Variants in TMEM45B observed in about 807,000 individuals in gnomAD.
The protein encoded by TMEM45B is transmembrane protein 45B.
Under a neutral mutation model 27.3 loss-of-function variants are expected in TMEM45B, and 29 were observed. The observed-to-expected ratio is 1.06, with a 90% CI of 0.79 to 1.45. The LOEUF is 1.45. Among genes scored for constraint, TMEM45B ranks in the 40% most tolerant of loss-of-function variants. The pLI is 0.00. For synonymous variants in TMEM45B, 143 were observed against 134.7 expected (o/e 1.06, Z -0.43); for missense variants, 348 against 343.9 (o/e 1.01, Z -0.09).
At chr11:129,820,316 C>CAA (rs61289166) in intron 1 of TMEM45B, among the ~76,000 whole-genome samples, 1 of 151,678 alleles carries the variant, frequency 6.6e-6, no homozygotes, top group Non-Finnish European at 1.5e-5. Flanking sequence ...AACTCCATCT[C>CAA]AAAAAAATAA....
intron 4 of TMEM45B, among the ~76,000 whole-genome samples, chr11:129,856,830 A>T (rs929915909): frequency 2.0e-5 from 3 of 148,970 alleles, no homozygotes; most frequent in African/African-American, 7.5e-5. Context: ...AAGTGCTAGG[A>T]TTACAGGCAT....
rs556680435 is a variant in TMEM45B at position 129,832,590 on chromosome 11, G to A, written c.-9+16692G>A. On this transcript the variant is annotated intron_variant, in intron 1 of 5. Coordinates refer to ENST00000281441, the MANE Select transcript of TMEM45B (RefSeq NM_138788.5). Reference sequence around the variant, plus strand: ...ACCATCAATTTGTATGGGATTTCGTGGGGGGTTGGTAAAAGCATTTTAAAA... The same window carrying A: ...ACCATCAATTTGTATGGGATTTCGTAGGGGGTTGGTAAAAGCATTTTAAAA... 3.0e-3 allele frequency among the ~76,000 whole-genome samples: 228 copies of A among 75,326 alleles called. 3 individuals are homozygous for A. Among genetic ancestry groups the A allele is most frequent in the Non-Finnish European group, 6.4e-3 (193 of 29,940 alleles). The allele number at this position is 75,326 out of a possible 152,430, so 49.4% of individuals were successfully genotyped here. A position where few individuals can be genotyped will look rare whatever the true frequency, so the allele number is the denominator to read the frequency against.
rs985217555 is a variant in TMEM45B at position 129,821,149 on chromosome 11, GTCTTTCCCCCAACCCCCT to G, written c.-9+5252_-9+5269del. The stretch of plus-strand genomic sequence containing the variant: ...ATCTTTACATTTCCCTTCTTGACCA[GTCTTTCCCCCAACCCCCT>G]GGAATGGGGTGTAGGAGTTGCTACA... On this transcript the variant is annotated intron_variant, in intron 1 of 5. Transcript: ENST00000281441. Among the ~76,000 whole-genome samples the G allele has an allele frequency of 4.7e-5, 7 of 150,176 alleles. No homozygotes were observed. The Admixed American group carries it at 4.7e-4, about 10-fold the overall frequency.
intron 4 of TMEM45B, 56 bp downstream of exon 4, chr11:129,855,948 C>T (rs957618373): frequency 9.5e-6 from 15 of 1,583,608 alleles, no homozygotes; most frequent in Admixed American, 3.5e-5. Context: ...CCCCACCGAG[C>T]GCATCCCAGA....
intron 1 of TMEM45B, among the ~76,000 whole-genome samples, chr11:129,840,946 TAAAAAAAAAA>T (rs55905045): frequency 1.0e-4 from 3 of 29,260 alleles, no homozygotes; most frequent in Admixed American, 4.3e-4. Flanking sequence ...TTTCTTTCTG[TAAAAAAAAAA>T]AAAAAAAAAA....
chr11:129,852,507 C>A lies in TMEM45B; in HGVS notation c.25C>A (p.Leu9Ile). The change falls in exon 2 of 6, where the codon CTT becomes ATT. Residue 9 changes from leucine (L) to isoleucine (I), a missense_variant. Physicochemically the swap from Leu to Ile is conservative, Grantham distance 5. Transcript: ENST00000281441. MANFKGHALPGSFFLIIGL... is the reference protein window; with the variant it reads MANFKGHAIPGSFFLIIGL... ...GATGGCAAATTTCAAGGGCCACGCG[C>A]TTCCAGGGAGTTTCTTCCTGATCAT... is the stretch of plus-strand genomic sequence containing the variant. The A allele has an allele frequency of 6.2e-7, 1 of 1,608,296 alleles. No individual in the cohort carries two copies. Among genetic ancestry groups the A allele is most frequent in the Non-Finnish European group, 8.5e-7 (1 of 1,175,188 alleles).
intron 1 of TMEM45B, among the ~76,000 whole-genome samples, chr11:129,842,663 T>A (rs944227005): frequency 6.6e-6 from 1 of 152,168 alleles, no homozygotes; most frequent in Non-Finnish European, 1.5e-5. Flanking sequence ...GATGAAAGAT[T>A]TAAATGTAAG....
intron 1 of TMEM45B, among the ~76,000 whole-genome samples, chr11:129,837,584 G>GGTTTTTTTTTTTTTTTTTT: frequency 2.9e-5 from 1 of 34,976 alleles, no homozygotes. Context: ...ACTGCACTGG[G>GGTTTTTTTTTTTTTTTTTT]CTTTTTTTTT....
At chr11:129,843,264 G>A (rs865871742) in intron 1 of TMEM45B, among the ~76,000 whole-genome samples, 1 of 152,140 alleles carries the variant, frequency 6.6e-6, no homozygotes, top group Admixed American at 6.5e-5. Context: ...CTTTTTGATT[G>A]CCCTATGATC....
chr11:129,846,078 A>G (rs989630883), intron 1 of TMEM45B, among the ~76,000 whole-genome samples: 1 of 152,256 alleles, frequency 6.6e-6, no homozygotes, highest in African/African-American at 2.4e-5. Context: ...TCAACATTTG[A>G]CAGATCTTTT....
chr11:129,854,813 G>T lies in TMEM45B; in HGVS notation c.382G>T (p.Glu128Ter). The T allele has an allele frequency of 6.2e-7, 1 of 1,612,916 alleles. No individual in the cohort carries two copies. Among genetic ancestry groups the T allele is most frequent in the South Asian group, 1.1e-5 (1 of 91,074 alleles). The change falls in exon 3 of 6, where the codon GAA (glutamate) becomes TAA (stop). Residue 128 changes from glutamate to a stop codon, truncating the protein, a stop_gained. Transcript: ENST00000281441. LOFTEE classifies it high-confidence loss of function. ...GGTTATGGCTGTGGCAGTATTCATG[G>T]AAGGTAATTTTGTGGAACGGATGGA... is the stretch of plus-strand genomic sequence containing the variant. Reference protein sequence around the residue: ...RLVMAVAVFMEGFLFYYHVHN... With the variant: ...RLVMAVAVFM
intron 1 of TMEM45B, among the ~76,000 whole-genome samples, chr11:129,821,253 C>T (rs537291482): frequency 6.6e-6 from 1 of 152,200 alleles, no homozygotes; most frequent in East Asian, 1.9e-4. Context: ...CAAGGAAACT[C>T]ATGGGGGCCC....
chr11:129,836,532 C>T (rs1947622223), intron 1 of TMEM45B, among the ~76,000 whole-genome samples: 1 of 152,020 alleles, frequency 6.6e-6, no homozygotes, highest in Non-Finnish European at 1.5e-5. Context: ...GTCTTATCTC[C>T]CAGTACCTCA....
chr11:129,845,562 A>G (rs1947750528), intron 1 of TMEM45B, among the ~76,000 whole-genome samples: 1 of 152,148 alleles, frequency 6.6e-6, no homozygotes, highest in African/African-American at 2.4e-5. Flanking sequence ...AAAATGGTAT[A>G]CTAAAATTAC....
At chr11:129,838,031 C>T (rs570714619) in intron 1 of TMEM45B, among the ~76,000 whole-genome samples, 1 of 152,268 alleles carries the variant, frequency 6.6e-6, no homozygotes, top group South Asian at 2.1e-4. Flanking sequence ...ATCCACCCAC[C>T]TCAGCCTCCC....
At chr11:129,816,738 T>TTG (rs1947356692) in intron 1 of TMEM45B, among the ~76,000 whole-genome samples, 1 of 132,718 alleles carries the variant, frequency 7.5e-6, no homozygotes, top group Non-Finnish European at 1.6e-5. Flanking sequence ...ACTTCTTTTT[T>TTG]TTTTTTTTTT....
chr11:129,827,419 T>C (rs692205), intron 1 of TMEM45B, among the ~76,000 whole-genome samples: 49,358 of 152,144 alleles, frequency 0.32, 8,619 homozygotes, highest in East Asian at 0.48. Context: ...ACTTCAAACC[T>C]GTACAGCACA....
At chr11:129,839,692 T>C (rs1947667025) in intron 1 of TMEM45B, among the ~76,000 whole-genome samples, 2 of 152,122 alleles carry the variant, frequency 1.3e-5, no homozygotes, top group South Asian at 4.2e-4. Context: ...GGCGTGCCCT[T>C]CCATGCCCAG....
intron 1 of TMEM45B, among the ~76,000 whole-genome samples, chr11:129,836,061 T>A (rs1191632004): frequency 6.6e-6 from 1 of 151,328 alleles, no homozygotes; most frequent in Non-Finnish European, 1.5e-5. Flanking sequence ...GAGGGTGGAG[T>A]GAGCCAAAAC....
Sources: allele counts gnomAD v4.1 joint callset (sites outside exome capture counted in the v4.1 genomes callset), GRCh38; gene constraint gnomAD v4.1.1; transcripts MANE v1.5; gene names NCBI Gene and HGNC (gene_info 2026-07-23, HGNC 2026-07-21).